The following DLGAP1 variants were observed in gnomAD, a reference collection of about 807,000 sequenced individuals.
The protein encoded by DLGAP1 is DLG associated protein 1.
DLGAP1 carries 11 observed loss-of-function variants against 90.8 expected under a neutral mutation model. The ratio of observed to expected loss-of-function variants is 0.12; its 90% CI spans 0.08 to 0.20. The LOEUF is 0.20. DLGAP1 is among the 10% of genes least tolerant of loss of function. The probability of loss-of-function intolerance (pLI) is 1.00; values close to 1 mark genes in which losing one functional copy is unlikely to be tolerated. For synonymous variants in DLGAP1, 558 were observed against 540.7 expected (o/e 1.03, Z -0.44); for missense variants, 1,050 against 1,333.8 (o/e 0.79, Z 3.31).
intron 1 of DLGAP1, among the ~76,000 whole-genome samples, chr18:4,269,728 AT>A (rs2079231552): frequency 6.6e-6 from 1 of 152,084 alleles, no homozygotes. Context: ...TCTATAATTA[AT>A]GTTACAGCTA....
intron 1 of DLGAP1, among the ~76,000 whole-genome samples, chr18:4,334,946 T>G (rs908580522): frequency 1.1e-4 from 17 of 152,048 alleles, no homozygotes; most frequent in African/African-American, 3.4e-4. Context: ...CTTGGTAGTA[T>G]TTACATTTGG....
At chr18:4,153,323 T>G (rs185506291) in intron 1 of DLGAP1, among the ~76,000 whole-genome samples, 204 of 152,352 alleles carry the variant, frequency 1.3e-3, no homozygotes, top group African/African-American at 3.9e-3. Flanking sequence ...TCCCAGCTAA[T>G]TCTCCTGATG....
chr18:3,814,779 C>A (rs1003070754), intron 4 of DLGAP1, among the ~76,000 whole-genome samples: 2 of 152,158 alleles, frequency 1.3e-5, no homozygotes, highest in African/African-American at 4.8e-5. Context: ...TTTGTCATTT[C>A]TTTGTGTTAC....
At chr18:4,072,974 A>G (rs1302885652) in intron 2 of DLGAP1, among the ~76,000 whole-genome samples, 2 of 152,150 alleles carry the variant, frequency 1.3e-5, no homozygotes, top group African/African-American at 2.4e-5. Flanking sequence ...GAGTAAGTCT[A>G]CTTGGATTTA....
chr18:4,185,347 T>G (rs1234513942), intron 1 of DLGAP1, among the ~76,000 whole-genome samples: 1 of 151,982 alleles, frequency 6.6e-6, no homozygotes, highest in Non-Finnish European at 1.5e-5. Context: ...GGGGGTTTGT[T>G]GTACAGATTA....
chr18:4,052,352 C>A (rs1242895410), intron 2 of DLGAP1, among the ~76,000 whole-genome samples: 1 of 152,152 alleles, frequency 6.6e-6, no homozygotes, highest in African/African-American at 2.4e-5. Context: ...TCCCAAACTT[C>A]AAGTTTTGTC....
At chr18:3,859,535 G>T (rs1452339981) in intron 4 of DLGAP1, among the ~76,000 whole-genome samples, 2 of 152,124 alleles carry the variant, frequency 1.3e-5, no homozygotes, top group East Asian at 3.9e-4. Context: ...GCATTATCAA[G>T]TGGGCCCAAT....
chr18:4,217,545 T>C (rs768724901), intron 1 of DLGAP1, among the ~76,000 whole-genome samples: 4 of 152,086 alleles, frequency 2.6e-5, no homozygotes, highest in African/African-American at 4.8e-5. Flanking sequence ...AGTTCTTTAA[T>C]GACAGATGAT....
chr18:3,617,838 C>A (rs555695361), intron 7 of DLGAP1, among the ~76,000 whole-genome samples: 1 of 151,740 alleles, frequency 6.6e-6, no homozygotes, highest in East Asian at 2.0e-4. Context: ...AGATCGAGAC[C>A]AGCCTGGGCA....
intron 1 of DLGAP1, among the ~76,000 whole-genome samples, chr18:4,202,294 G>T (rs928280961): frequency 1.3e-5 from 2 of 152,116 alleles, no homozygotes; most frequent in African/African-American, 4.8e-5. Context: ...ATAGGTGTGA[G>T]CTAAACTATG....
At chr18:3,537,575 G>T (rs137997258) in intron 9 of DLGAP1, among the ~76,000 whole-genome samples, 10 of 152,238 alleles carry the variant, frequency 6.6e-5, no homozygotes, top group Admixed American at 6.5e-4. Flanking sequence ...ATGAACATGG[G>T]TATACAGATA....
At chr18:3,804,581 G>A (rs1329273472) in intron 5 of DLGAP1, among the ~76,000 whole-genome samples, 1 of 152,238 alleles carries the variant, frequency 6.6e-6, no homozygotes, top group African/African-American at 2.4e-5. Context: ...GAGCTTTTCA[G>A]AGAACCACAG....
chr18:3,637,346 T>C (rs1300313262), intron 7 of DLGAP1, among the ~76,000 whole-genome samples: 2 of 152,074 alleles, frequency 1.3e-5, no homozygotes, highest in African/African-American at 2.4e-5. Context: ...CTCCTCTTGT[T>C]TGCCTTCTAG....
At chr18:3,609,401 T>G (rs947792046) in intron 7 of DLGAP1, among the ~76,000 whole-genome samples, 3 of 152,162 alleles carry the variant, frequency 2.0e-5, no homozygotes, top group Non-Finnish European at 4.4e-5. Context: ...TTAAATAAAT[T>G]TGCTTATTTT....
chr18:3,923,699 A>C (rs746902195), intron 3 of DLGAP1, among the ~76,000 whole-genome samples: 5 of 152,154 alleles, frequency 3.3e-5, no homozygotes, highest in Non-Finnish European at 7.3e-5. Context: ...GGTGATACCA[A>C]TTTCTATCGT....
At chr18:4,216,907 A>G (rs540189659) in intron 1 of DLGAP1, among the ~76,000 whole-genome samples, 1 of 152,242 alleles carries the variant, frequency 6.6e-6, no homozygotes, top group Admixed American at 6.6e-5. Context: ...CATAATTTAC[A>G]TGAGGATTCA....
intron 3 of DLGAP1, among the ~76,000 whole-genome samples, chr18:3,977,365 C>T (rs115962259): frequency 1.7e-3 from 259 of 151,346 alleles, no homozygotes; most frequent in African/African-American, 6.0e-3. Flanking sequence ...AGTCACTTTG[C>T]CCGGCCTTAT....
intron 3 of DLGAP1, chr18:3,984,249 C>T (rs530703669): frequency 6.6e-6 from 1 of 152,368 alleles, no homozygotes; most frequent in Middle Eastern, 3.4e-3. Flanking sequence ...GTGGTCCCTT[C>T]TCATGGTGAC....
chr18:4,169,386 G>A (rs1166745469), intron 1 of DLGAP1, among the ~76,000 whole-genome samples: 2 of 152,134 alleles, frequency 1.3e-5, no homozygotes, highest in African/African-American at 4.8e-5. Context: ...AACACAACTT[G>A]TACTACCCTT....
Sources: gnomAD v4.1 joint callset for allele counts (sites outside exome capture counted in the v4.1 genomes callset) on GRCh38, gnomAD v4.1.1 for gene constraint, MANE v1.5 for transcripts, NCBI Gene and HGNC (gene_info 2026-07-23, HGNC 2026-07-21) for gene names.